OR10A6: variants seen among roughly 807,000 people sequenced by gnomAD.
OR10A6 encodes the protein olfactory receptor family 10 subfamily A member 6 (gene/pseudogene).
Under a neutral mutation model 1.5 loss-of-function variants are expected in OR10A6, and 2 were observed. The ratio of observed to expected loss-of-function variants is 1.31; its 90% CI spans 0.54 to 4.13. OR10A6 has a LOEUF of 4.13. Ranked by LOEUF, OR10A6 falls within the 30% of genes most tolerant of loss-of-function variation. The probability of loss-of-function intolerance (pLI) is 0.07; values close to 1 mark genes in which losing one functional copy is unlikely to be tolerated. For synonymous variants in OR10A6, 169 were observed against 137.3 expected (o/e 1.23, Z -1.61); for missense variants, 492 against 368.6 (o/e 1.33, Z -2.74).
In OR10A6 at chr11:7,928,531, A is replaced by G. The variant is rs1318776994; in HGVS notation, c.132T>C (p.Ile44=). Residue 44 remains isoleucine, a synonymous_variant, in exon 4 of 4, where the codon ATT becomes ATC. Transcript: ENST00000641238. ...IYLVTLIGNA[I]IIVIVSLDQS... ...GGTCTAGGGAGACGATGACTATAAT[A>G]ATGGCATTTCCTATCAGGGTCACCA... 8.1e-6 allele frequency: 13 copies of G among 1,613,816 alleles called. No individual in the cohort carries two copies. Among genetic ancestry groups the G allele is most frequent in the Non-Finnish European group, 1.1e-5 (13 of 1,179,790 alleles).
At position 7,928,393 on chromosome 11, in the gene OR10A6, A is replaced by G; in HGVS notation, c.270T>C (p.Thr90=). The change falls in exon 4 of 4, where the codon ACT becomes ACC. Residue 90 remains threonine (T), a synonymous_variant. Coordinates refer to ENST00000641238, the MANE Select transcript of OR10A6 (RefSeq NM_001004461.2). Reference sequence around the variant, plus strand: ...CAAAACAGCCCCCAAAAGAAATTGTAGTTTTTTCAGTAGAGAGGACCACCA... The same window carrying G: ...CAAAACAGCCCCCAAAAGAAATTGTGGTTTTTTCAGTAGAGAGGACCACCA... The part of the protein sequence containing the change: ...EMLVVLSTEK[T]TISFGGCFAQ... 1 of 1,613,988 alleles carries G rather than the reference A, an allele frequency of 6.2e-7. No individual in the cohort carries two copies. The highest frequency in any genetic ancestry group is 8.5e-7 in the Non-Finnish European group (1 of 1,179,952).
chr11:7,930,614 AT>A (rs1299519413), intron 3 of OR10A6, 99 bp from the exon 4 acceptor site: 6 of 152,170 alleles, frequency 3.9e-5, no homozygotes, highest in Admixed American at 3.3e-4. Context: ...AACCACAAAA[AT>A]TGTACTGTAT....
rs1191276714 is a variant in OR10A6, at chr11:7,928,213, G to C, written c.450C>G (p.Ala150=). 6.2e-7 allele frequency: 1 copy of C among 1,611,040 alleles called. No individual in the cohort carries two copies. Among genetic ancestry groups the C allele is most frequent in the Non-Finnish European group, 8.5e-7 (1 of 1,178,270 alleles). ...VFMKLIIFSW[A]LGFMLGTVQT... is the part of the protein sequence containing the mutation. ...GAACAGTACCTAACATAAAACCTAA[G>C]GCCCATGAAAATATAATTAATTTCA... is the stretch of plus-strand genomic sequence containing the variant. The change falls in exon 4 of 4, where the codon GCC becomes GCG. Residue 150 remains alanine (A), a synonymous_variant. Transcript: ENST00000641238.
Position 7,927,464 on chromosome 11 carries a change from A to G in OR10A6, c.*254T>C. ...GTATTATCTATTGTGACAAAAAAAT[A>G]ACCATCAGTAGGGCTACTACTAAAC... On this transcript the variant is annotated 3_prime_UTR_variant, in exon 4 of 4. Transcript: ENST00000641238. The G allele has an allele frequency of 2.7e-6, 1 of 369,766 alleles. No individual in the cohort carries two copies. The highest frequency in any genetic ancestry group is 4.0e-5 in the East Asian group (1 of 25,176). 22.9% of individuals were successfully genotyped at this position (369,766 alleles called of 1,614,324 possible). A position where few individuals can be genotyped will look rare whatever the true frequency, so the allele number is the denominator to read the frequency against.
Position 7,928,849 on chromosome 11 carries a change from A to G in OR10A6, c.-187T>C. On this transcript the variant is annotated 5_prime_UTR_variant, in exon 4 of 4. Transcript: ENST00000641238. The stretch of plus-strand genomic sequence containing the variant: ...GACCAAATACTTGGATTATATTCCA[A>G]ATATAAAAAATAGAAATGAAGAATT... 1 of 409,958 alleles carries G rather than the reference A, an allele frequency of 2.4e-6. No homozygotes were observed. Among genetic ancestry groups the G allele is most frequent in the Admixed American group, 4.1e-5 (1 of 24,404 alleles). 25.4% of individuals were successfully genotyped at this position (409,958 alleles called of 1,614,324 possible). A position where few individuals can be genotyped will look rare whatever the true frequency, so the allele number is the denominator to read the frequency against.
chr11:7,927,194 C>T lies in OR10A6; in HGVS notation c.*524G>A, dbSNP rs953963696. 1 of 152,250 alleles carries T rather than the reference C, an allele frequency of 6.6e-6. No individual in the cohort carries two copies. The highest frequency in any genetic ancestry group is 1.5e-5 in the Non-Finnish European group (1 of 68,112). 9.4% of individuals were successfully genotyped at this position (152,250 alleles called of 1,614,324 possible). ...CCTACTTATGTATGGAACAGATTTT[C>T]ACTACAGAAGCAGAAAATCTCATCT... On this transcript the variant is annotated 3_prime_UTR_variant, in exon 4 of 4. Transcript: ENST00000641238.
At position 7,928,098 on chromosome 11, in the gene OR10A6, A is replaced by T. The variant is rs1440208447; in HGVS notation, c.565T>A (p.Cys189Ser). 1 of 1,614,036 alleles carries T rather than the reference A, an allele frequency of 6.2e-7. No homozygotes were observed. The change falls in exon 4 of 4, where the codon TGT (cysteine) becomes AGT (serine). Residue 189 changes from cysteine (C) to serine (S), a missense_variant. Physicochemically the swap from Cys to Ser is moderately radical, Grantham distance 112. Transcript: ENST00000641238. ...ATTTCAAACAAAAACGTGTCTGCAC[A>T]TGCAAGTTCTAACACTGCTGGGGTT... Reference protein sequence around the residue: ...CETPAVLELACADTFLFEIYA... With the variant: ...CETPAVLELASADTFLFEIYA...
rs756539955 is a variant in OR10A6 at position 7,927,846 on chromosome 11, C to T, written c.817G>A (p.Val273Met). 6.8e-6 allele frequency: 11 copies of T among 1,613,866 alleles called. No individual in the cohort carries two copies. The highest frequency in any genetic ancestry group is 4.2e-6 in the Non-Finnish European group (5 of 1,179,960). ...KSGYSPETKK[V>M]MSLSYSLLTP... ...AGAAGTGAGTAAGACAATGACATCACTTTCTTGGTTTCCGGTGAGTAGCCA... is the reference window on the plus strand; with the variant it reads ...AGAAGTGAGTAAGACAATGACATCATTTTCTTGGTTTCCGGTGAGTAGCCA... The change falls in exon 4 of 4, where the codon GTG (valine) becomes ATG (methionine). Residue 273 changes from valine to methionine, a missense_variant. By Grantham distance (21) the Val-to-Met change is conservative (BLOSUM62 1). Coordinates refer to ENST00000641238, the MANE Select transcript of OR10A6 (RefSeq NM_001004461.2).
chr11:7,928,702 T>C lies in OR10A6; in HGVS notation c.-40A>G. On this transcript the variant is annotated 5_prime_UTR_variant, in exon 4 of 4. The change creates a new upstream start codon in the 5' untranslated region. Coordinates refer to ENST00000641238, the MANE Select transcript of OR10A6 (RefSeq NM_001004461.2). Reference sequence around the variant, plus strand: ...TCGTGCATTGATTTTATGGACATAGTATATACAGAATAAAGCCACAGTCCA... The same window carrying C: ...TCGTGCATTGATTTTATGGACATAGCATATACAGAATAAAGCCACAGTCCA... 2.1e-6 allele frequency: 3 copies of C among 1,437,386 alleles called. No individual in the cohort carries two copies. The highest frequency in any genetic ancestry group is 1.9e-4 in the Middle Eastern group (1 of 5,232). The allele number at this position is 1,437,386 out of a possible 1,614,324, so 89.0% of individuals were successfully genotyped here.
rs1859393853 is a variant in OR10A6 at position 7,926,111 on chromosome 11, C to T, written c.*1607G>A. 6.6e-6 allele frequency: 1 copy of T among 152,216 alleles called. No individual in the cohort carries two copies. Among genetic ancestry groups the T allele is most frequent in the East Asian group, 1.9e-4 (1 of 5,200 alleles). The allele number at this position is 152,216 out of a possible 1,614,324, so 9.4% of individuals were successfully genotyped here. A position where few individuals can be genotyped will look rare whatever the true frequency, so the allele number is the denominator to read the frequency against. On this transcript the variant is annotated 3_prime_UTR_variant, in exon 4 of 4. Transcript: ENST00000641238. ...GTCTTCACTTTAACCTTTTTGCATA[C>T]CTCACAAACCAGCATGTACTTCCCA...
rs1554906036 is a variant in OR10A6 at position 7,929,755 on chromosome 11, T to TACATAC, written c.-1094_-1093insGTATGT. On this transcript the variant is annotated 5_prime_UTR_variant, in exon 4 of 4. In the 5' UTR this introduces an upstream ATG that the reference lacks. Coordinates refer to ENST00000641238, the MANE Select transcript of OR10A6 (RefSeq NM_001004461.2). ...ATATATATATATATATATATATATA[T>TACATAC]ACACACACATGCACACATATATATA... The TACATAC allele has an allele frequency of 2.2e-4, 21 of 97,242 alleles. No individual in the cohort carries two copies. Among genetic ancestry groups the TACATAC allele is most frequent in the African/African-American group, 7.5e-4 (21 of 27,986 alleles). 6.0% of individuals were successfully genotyped at this position (97,242 alleles called of 1,614,324 possible).
Position 7,927,680 on chromosome 11 carries a change from C to A in OR10A6, c.*38G>T. The A allele has an allele frequency of 1.5e-6, 2 of 1,345,732 alleles. No homozygotes were observed. Among genetic ancestry groups the A allele is most frequent in the South Asian group, 2.5e-5 (2 of 81,034 alleles). The allele number at this position is 1,345,732 out of a possible 1,614,324, so 83.4% of individuals were successfully genotyped here. On this transcript the variant is annotated 3_prime_UTR_variant, in exon 4 of 4. Coordinates refer to ENST00000641238, the MANE Select transcript of OR10A6 (RefSeq NM_001004461.2). ...TTATTAAATTTAGATTGAATACAGTCATGCAGTGACTAAATCTTACATGGC... is the reference window on the plus strand; with the variant it reads ...TTATTAAATTTAGATTGAATACAGTAATGCAGTGACTAAATCTTACATGGC...
In OR10A6 at chr11:7,927,785, C is replaced by T. The variant is rs143603778; in HGVS notation, c.878G>A (p.Arg293Gln). ...CAAAGCCCTCTTCATCTCACTATTT[C>T]GCAAACTGTAGATAAGCAGATTCAG... ...PLLNLLIYSL[R>Q]NSEMKRALMK... Residue 293 changes from arginine to glutamine, a missense_variant, in exon 4 of 4, where the codon CGA becomes CAA. Arg to Gln is a conservative substitution (Grantham distance 43). Transcript: ENST00000641238. 167 of 1,613,820 alleles carry T rather than the reference C, an allele frequency of 1.0e-4. No individual in the cohort carries two copies. The highest frequency in any genetic ancestry group is 1.9e-4 in the South Asian group (17 of 91,072).
chr11:7,928,966 A>T lies in OR10A6; in HGVS notation c.-304T>A, dbSNP rs1859473703. 3.7e-6 allele frequency: 1 copy of T among 270,424 alleles called. No individual in the cohort carries two copies. The highest frequency in any genetic ancestry group is 6.8e-6 in the Non-Finnish European group (1 of 146,664). 16.8% of individuals were successfully genotyped at this position (270,424 alleles called of 1,614,324 possible). A position where few individuals can be genotyped will look rare whatever the true frequency, so the allele number is the denominator to read the frequency against. On this transcript the variant is annotated 5_prime_UTR_variant, in exon 4 of 4. Transcript: ENST00000641238. Reference sequence around the variant, plus strand: ...CTTAATGGAAATATAAATACTTTATACCTTAGGTTCCAATCCCATAACATT... The same window carrying T: ...CTTAATGGAAATATAAATACTTTATTCCTTAGGTTCCAATCCCATAACATT...
rs1414974512 is a variant in OR10A6, at chr11:7,926,966, A to G, written c.*752T>C. ...TTTGCCTTATGAAAGAAATTTGACC[A>G]AGTTTCAAAAAATATAGTTTATAAG... is the stretch of plus-strand genomic sequence containing the variant. On this transcript the variant is annotated 3_prime_UTR_variant, in exon 4 of 4. Coordinates refer to ENST00000641238, the MANE Select transcript of OR10A6 (RefSeq NM_001004461.2). The G allele has an allele frequency of 6.6e-6, 1 of 152,202 alleles. No individual in the cohort carries two copies. Among genetic ancestry groups the G allele is most frequent in the Non-Finnish European group, 1.5e-5 (1 of 68,034 alleles). 9.4% of individuals were successfully genotyped at this position (152,202 alleles called of 1,614,324 possible).
Position 7,928,305 on chromosome 11 carries a change from A to T in OR10A6, c.358T>A (p.Tyr120Asn). 1 of 1,613,920 alleles carries T rather than the reference A, an allele frequency of 6.2e-7. No individual in the cohort carries two copies. Among genetic ancestry groups the T allele is most frequent in the Non-Finnish European group, 8.5e-7 (1 of 1,179,880 alleles). ...TGGCAAATTGCAGCAAATCGGTCAT[A>T]AGCCATTGCTCCCAGAAGAAAACAT... is the stretch of plus-strand genomic sequence containing the variant. Reference protein sequence around the residue: ...AECFLLGAMAYDRFAAICHPL... With the variant: ...AECFLLGAMANDRFAAICHPL... Residue 120 changes from tyrosine (Y) to asparagine (N), a missense_variant, in exon 4 of 4, where the codon TAT becomes AAT. By Grantham distance (143) the Tyr-to-Asn change is moderately radical (BLOSUM62 -2). Coordinates refer to ENST00000641238, the MANE Select transcript of OR10A6 (RefSeq NM_001004461.2).
At position 7,931,226 on chromosome 11, in the gene OR10A6, C is replaced by T. The variant is rs1237414778; in HGVS notation, c.-1939G>A. 6.6e-6 allele frequency: 1 copy of T among 152,162 alleles called. No homozygotes were observed. Among genetic ancestry groups the T allele is most frequent in the African/African-American group, 2.4e-5 (1 of 41,426 alleles). 9.4% of individuals were successfully genotyped at this position (152,162 alleles called of 1,614,324 possible). On this transcript the variant is annotated 5_prime_UTR_variant, in exon 1 of 4. Transcript: ENST00000641238. ...TGACTCTGTCTCTTTAATTTTCATACTACTTTATCAGAAGATTCACCTGTA... is the reference window on the plus strand; with the variant it reads ...TGACTCTGTCTCTTTAATTTTCATATTACTTTATCAGAAGATTCACCTGTA...
chr11:7,927,859 C>A lies in OR10A6; in HGVS notation c.804G>T (p.Pro268=), dbSNP rs139034584. Residue 268 remains proline (P), a synonymous_variant, in exon 4 of 4, where the codon CCG becomes CCT. Coordinates refer to ENST00000641238, the MANE Select transcript of OR10A6 (RefSeq NM_001004461.2). ...ACAATGACATCACTTTCTTGGTTTC[C>A]GGTGAGTAGCCAGATTTGGGTTGTA... is the stretch of plus-strand genomic sequence containing the variant. ...TYLQPKSGYS[P]ETKKVMSLSY... 6 of 1,613,892 alleles carry A rather than the reference C, an allele frequency of 3.7e-6. No individual in the cohort carries two copies. The highest frequency in any genetic ancestry group is 5.1e-6 in the Non-Finnish European group (6 of 1,179,956).
rs58402229 is a variant in OR10A6 at position 7,929,966 on chromosome 11, G to GTATATATATGTGTGTA, written c.-1305_-1304insTACACACATATATATA. The GTATATATATGTGTGTA allele has an allele frequency of 1.7e-5, 1 of 57,262 alleles. No individual in the cohort carries two copies. Among genetic ancestry groups the GTATATATATGTGTGTA allele is most frequent in the Non-Finnish European group, 3.2e-5 (1 of 31,394 alleles). 3.5% of individuals were successfully genotyped at this position (57,262 alleles called of 1,614,324 possible). A position where few individuals can be genotyped will look rare whatever the true frequency, so the allele number is the denominator to read the frequency against. On this transcript the variant is annotated 5_prime_UTR_variant, in exon 4 of 4. Coordinates refer to ENST00000641238, the MANE Select transcript of OR10A6 (RefSeq NM_001004461.2). The stretch of plus-strand genomic sequence containing the variant: ...TCTAGTAAGGTATGTGTATGTGTAT[G>GTATATATATGTGTGTA]TATATATATATATATATATATATAT...
Sources: allele counts gnomAD v4.1 joint callset, GRCh38; gene constraint gnomAD v4.1.1; transcripts MANE v1.5; gene names NCBI Gene and HGNC (gene_info 2026-07-23, HGNC 2026-07-21).